ZNF213: variants seen among roughly 807,000 people sequenced by gnomAD.
ZNF213 encodes the protein putative transcription factor CR53.
Under a neutral mutation model 46.0 loss-of-function variants are expected in ZNF213, and 32 were observed. That is an observed-to-expected ratio of 0.70 (90% confidence interval 0.52 to 0.93). The LOEUF (loss-of-function observed/expected upper bound fraction) is 0.93, where lower values mean the gene tolerates loss of function less well. ZNF213 is among the 40% of genes least tolerant of loss of function. The pLI is 0.00. For missense variants in ZNF213, 639 were observed against 652.8 expected (o/e 0.98, Z 0.23); for synonymous variants, 297 against 271.0 (o/e 1.10, Z -0.94).
At position 3,137,465 on chromosome 16, in the gene ZNF213, C is replaced by G. The variant is rs970091140; in HGVS notation, c.185C>G (p.Ala62Gly). Residue 62 changes from alanine to glycine, a missense_variant, in exon 2 of 6, where the codon GCC becomes GGC. Transcript: ENST00000396878. ...CYGDVHGPHE[A>G]FSQLWELCCR... ...GGGGATGTGCATGGGCCTCATGAGGCCTTCAGCCAGCTCTGGGAGCTCTGC... is the reference window on the plus strand; with the variant it reads ...GGGGATGTGCATGGGCCTCATGAGGGCTTCAGCCAGCTCTGGGAGCTCTGC... 6.2e-7 allele frequency: 1 copy of G among 1,613,950 alleles called. No homozygotes were observed. The highest frequency in any genetic ancestry group is 8.5e-7 in the Non-Finnish European group (1 of 1,180,038).
chr16:3,139,155 C>A, intron 5 of ZNF213, 57 bp downstream of exon 5: 1 of 1,597,404 alleles, frequency 6.3e-7, no homozygotes. Context: ...GCTGGAACTT[C>A]AGTCTTGTTT....
At chr16:3,138,323 C>T (rs751627699) in intron 2 of ZNF213, 95 bp from the exon 3 acceptor site, 42 of 1,561,782 alleles carry the variant, frequency 2.7e-5, no homozygotes, top group Non-Finnish European at 3.5e-5. Context: ...CCCCAGCATC[C>T]TGAGGGTCAT....
intron 5 of ZNF213, chr16:3,139,702 T>C (rs1290889688): frequency 6.6e-6 from 1 of 152,262 alleles, no homozygotes; most frequent in Non-Finnish European, 1.5e-5. Context: ...CTAGACCAGT[T>C]TGGCTCCTCA....
Position 3,141,091 on chromosome 16 carries a change from G to A in ZNF213, c.1124G>A (p.Cys375Tyr). 1 of 1,613,352 alleles carries A rather than the reference G, an allele frequency of 6.2e-7. No individual in the cohort carries two copies. Among genetic ancestry groups the A allele is most frequent in the Non-Finnish European group, 8.5e-7 (1 of 1,179,874 alleles). ...CACACGGGCGAGAAGCCCTTCTCCT[G>A]TTCCGAGTGCGGCAAGAGCTTCAGC... ...GVHTGEKPFS[C>Y]SECGKSFSRS... The change falls in exon 6 of 6, where the codon TGT becomes TAT. Residue 375 changes from cysteine (C) to tyrosine (Y), a missense_variant. Cys to Tyr is a radical substitution (Grantham distance 194, BLOSUM62 -2). Coordinates refer to ENST00000396878, the MANE Select transcript of ZNF213 (RefSeq NM_004220.3).
Position 3,141,239 on chromosome 16 carries a change from C to A in ZNF213, c.1272C>A (p.Thr424=). Residue 424 remains threonine, a synonymous_variant, in exon 6 of 6, where the codon ACC becomes ACA. Coordinates refer to ENST00000396878, the MANE Select transcript of ZNF213 (RefSeq NM_004220.3). ...SYLLDHRRVH[T]GERPFGCGEC... is the part of the protein sequence containing the mutation. ...TGCTGGACCATCGGCGTGTGCACAC[C>A]GGTGAGCGGCCCTTCGGCTGCGGAG... 1 of 1,612,474 alleles carries A rather than the reference C, an allele frequency of 6.2e-7. No individual in the cohort carries two copies. Among genetic ancestry groups the A allele is most frequent in the South Asian group, 1.1e-5 (1 of 91,078 alleles).
chr16:3,139,283 C>T (rs767863191), intron 5 of ZNF213, 185 bp downstream of exon 5: 23 of 837,140 alleles, frequency 2.7e-5, no homozygotes, highest in East Asian at 8.4e-5. Flanking sequence ...CAGCATGGGA[C>T]GGCGCCGGCG....
chr16:3,142,672 T>C lies in ZNF213; in HGVS notation c.*1325T>C, dbSNP rs1053997. On this transcript the variant is annotated 3_prime_UTR_variant, in exon 6 of 6. Transcript: ENST00000396878. The stretch of plus-strand genomic sequence containing the variant: ...CCCTGCTCCATCGGCACTAACGCCC[T>C]GCTTCATTGGCACTTTGCTGCTGCC... 0.38 allele frequency: 61,376 copies of C among 162,824 alleles called. 11,761 individuals are homozygous for C. The highest frequency in any genetic ancestry group is 0.43 in the South Asian group (3,264 of 7,654). 10.1% of individuals were successfully genotyped at this position (162,824 alleles called of 1,614,324 possible).
Position 3,141,469 on chromosome 16 carries a change from C to G in ZNF213, c.*122C>G, listed in dbSNP as rs1957603862. 1 of 1,196,682 alleles carries G rather than the reference C, an allele frequency of 8.4e-7. No homozygotes were observed. Among genetic ancestry groups the G allele is most frequent in the African/African-American group, 1.5e-5 (1 of 64,834 alleles). The allele number at this position is 1,196,682 out of a possible 1,614,324, so 74.1% of individuals were successfully genotyped here. Reference sequence around the variant, plus strand: ...GGGCTGTCCGAGGGACCCCAGGGTACCTCACACTCGGAGCTCGCCTGCCCT... The same window carrying G: ...GGGCTGTCCGAGGGACCCCAGGGTAGCTCACACTCGGAGCTCGCCTGCCCT... On this transcript the variant is annotated 3_prime_UTR_variant, in exon 6 of 6. Transcript: ENST00000396878.
Position 3,141,464 on chromosome 16 carries a change from G to A in ZNF213, c.*117G>A. 8.1e-7 allele frequency: 1 copy of A among 1,239,712 alleles called. No individual in the cohort carries two copies. Among genetic ancestry groups the A allele is most frequent in the Non-Finnish European group, 1.1e-6 (1 of 922,402 alleles). The allele number at this position is 1,239,712 out of a possible 1,614,324, so 76.8% of individuals were successfully genotyped here. On this transcript the variant is annotated 3_prime_UTR_variant, in exon 6 of 6. Transcript: ENST00000396878. ...CTCCCGGGCTGTCCGAGGGACCCCAGGGTACCTCACACTCGGAGCTCGCCT... is the reference window on the plus strand; with the variant it reads ...CTCCCGGGCTGTCCGAGGGACCCCAAGGTACCTCACACTCGGAGCTCGCCT...
chr16:3,137,381 A>G lies in ZNF213; in HGVS notation c.101A>G (p.Gln34Arg), dbSNP rs1320643396. 1 of 1,613,912 alleles carries G rather than the reference A, an allele frequency of 6.2e-7. No homozygotes were observed. The highest frequency in any genetic ancestry group is 8.5e-7 in the Non-Finnish European group (1 of 1,180,044). ...TCCTCCTGGGAACAGGAATCTGCCC[A>G]GCATGAGGATGGCAGGGATTCCGAA... ...EDSSWEQESA[Q>R]HEDGRDSEAC... is the part of the protein sequence containing the mutation. Residue 34 changes from glutamine to arginine, a missense_variant, in exon 2 of 6, where the codon CAG (glutamine) becomes CGG (arginine). Physicochemically the swap from Gln to Arg is conservative, Grantham distance 43. Transcript: ENST00000396878.
In ZNF213 at chr16:3,137,227, C is replaced by T; in HGVS notation, c.-54C>T. 6.6e-7 allele frequency: 1 copy of T among 1,522,854 alleles called. No individual in the cohort carries two copies. Among genetic ancestry groups the T allele is most frequent in the Non-Finnish European group, 8.8e-7 (1 of 1,139,340 alleles). 94.3% of individuals were successfully genotyped at this position (1,522,854 alleles called of 1,614,324 possible). On this transcript the variant is annotated 5_prime_UTR_variant, in exon 2 of 6. Transcript: ENST00000396878. ...GGATCCCTCTGGGAGACTGAAAGTA[C>T]AGGTTCTGGGGCCCAGGTTGAAGCC...
intron 5 of ZNF213, chr16:3,139,860 C>G (rs902025197): frequency 6.6e-6 from 1 of 152,122 alleles, no homozygotes; most frequent in African/African-American, 2.4e-5. Flanking sequence ...TCTCCTGCCT[C>G]AGCCTGAGTA....
chr16:3,141,559 C>T lies in ZNF213; in HGVS notation c.*212C>T. On this transcript the variant is annotated 3_prime_UTR_variant, in exon 6 of 6. Coordinates refer to ENST00000396878, the MANE Select transcript of ZNF213 (RefSeq NM_004220.3). The stretch of plus-strand genomic sequence containing the variant: ...GAAGCCTTCCCCTCCCGCCCCCGAT[C>T]TTGTCCTCTTTCCCCCTTCTGCGCC... The T allele has an allele frequency of 3.6e-6, 2 of 552,644 alleles. No homozygotes were observed. The highest frequency in any genetic ancestry group is 2.7e-5 in the South Asian group (1 of 37,326). 34.2% of individuals were successfully genotyped at this position (552,644 alleles called of 1,614,324 possible).
chr16:3,139,177 C>T, intron 5 of ZNF213, 79 bp downstream of exon 5: 1 of 1,566,122 alleles, frequency 6.4e-7, no homozygotes, highest in Admixed American at 1.9e-5. Context: ...CCACCCCATC[C>T]TTAGCTGGTT....
rs1957565474 is a variant in ZNF213, at chr16:3,138,421, G to A, written c.403G>A (p.Val135Met). ...GCATGTTGTGGTTCCTGCACAGGAT[G>A]TGCCCTCGGAGGAGGCGGAACCCGA... ...KQPVKAWRQD[V>M]PSEEAEPEAA... The change falls in exon 3 of 6, where the codon GTG becomes ATG. Residue 135 changes from valine to methionine, a missense_variant. Val to Met is a conservative substitution (Grantham distance 21, BLOSUM62 1). Transcript: ENST00000396878. 6.2e-7 allele frequency: 1 copy of A among 1,613,490 alleles called. No homozygotes were observed. The highest frequency in any genetic ancestry group is 1.3e-5 in the African/African-American group (1 of 74,928).
Position 3,137,638 on chromosome 16 carries a change from G to T in ZNF213, c.358G>T (p.Val120Leu), listed in dbSNP as rs775231451. Residue 120 changes from valine (V) to leucine (L), a missense_variant, in exon 2 of 6, where the codon GTG (valine) becomes TTG (leucine). By Grantham distance (32) the Val-to-Leu change is conservative (BLOSUM62 1). Coordinates refer to ENST00000396878, the MANE Select transcript of ZNF213 (RefSeq NM_004220.3). ...AAGCGGTGAGGAGGCTGTCGCCTTG[G>T]TGGAGGACCTACAGAAGCAGCCAGT... ...PGSGEEAVAL[V>L]EDLQKQPVKA... 2 of 1,613,836 alleles carry T rather than the reference G, an allele frequency of 1.2e-6. No homozygotes were observed. The highest frequency in any genetic ancestry group is 8.5e-7 in the Non-Finnish European group (1 of 1,180,008).
At chr16:3,138,288 G>A in intron 2 of ZNF213, 130 bp from the exon 3 acceptor site, 2 of 1,505,144 alleles carry the variant, frequency 1.3e-6, no homozygotes, top group Non-Finnish European at 1.8e-6. Context: ...TTTTCCTGGG[G>A]CACCATATTG....
At chr16:3,136,362 A>C (rs1204810884) in intron 1 of ZNF213, among the ~76,000 whole-genome samples, 2 of 152,238 alleles carry the variant, frequency 1.3e-5, no homozygotes, top group Non-Finnish European at 2.9e-5. Context: ...CACAGACGAT[A>C]TATCAAGCAC....
Position 3,137,468 on chromosome 16 carries a change from T to C in ZNF213, c.188T>C (p.Phe63Ser), listed in dbSNP as rs1290806397. The C allele has an allele frequency of 6.2e-7, 1 of 1,613,954 alleles. No individual in the cohort carries two copies. Among genetic ancestry groups the C allele is most frequent in the Non-Finnish European group, 8.5e-7 (1 of 1,180,028 alleles). Residue 63 changes from phenylalanine (F) to serine (S), a missense_variant, in exon 2 of 6, where the codon TTC (phenylalanine) becomes TCC (serine). By Grantham distance (155) the Phe-to-Ser change is radical (BLOSUM62 -2). Transcript: ENST00000396878. ...GATGTGCATGGGCCTCATGAGGCCT[T>C]CAGCCAGCTCTGGGAGCTCTGCTGC... ...YGDVHGPHEA[F>S]SQLWELCCRW... is the part of the protein sequence containing the mutation.
Sources: allele counts gnomAD v4.1 joint callset (sites outside exome capture counted in the v4.1 genomes callset), GRCh38; gene constraint gnomAD v4.1.1; transcripts MANE v1.5; gene names NCBI Gene and HGNC (gene_info 2026-07-23, HGNC 2026-07-21).